The following SND1 variants were observed in gnomAD, a reference collection of about 807,000 sequenced individuals.
The protein encoded by SND1 is staphylococcal nuclease domain-containing protein 1.
A neutral mutation model predicts 121.7 loss-of-function variants in SND1; 38 were observed. That is an observed-to-expected ratio of 0.31 (90% CI 0.24 to 0.41). SND1 has a LOEUF of 0.41. Among genes scored for constraint, SND1 ranks in the 10% least tolerant of loss-of-function variants. The pLI is 1.00. For missense variants in SND1, 868 were observed against 1,184.6 expected (o/e 0.73, Z 3.92); for synonymous variants, 401 against 447.4 (o/e 0.90, Z 1.31).
At chr7:127,992,033 T>C (rs1563081271) in intron 16 of SND1, among the ~76,000 whole-genome samples, 1 of 152,168 alleles carries the variant, frequency 6.6e-6, no homozygotes, top group South Asian at 2.1e-4. Context: ...TGCCTTCTTA[T>C]TTTGTAGAAG....
intron 10 of SND1, among the ~76,000 whole-genome samples, chr7:127,803,767 C>T (rs1189088442): frequency 6.6e-6 from 1 of 152,112 alleles, no homozygotes; most frequent in Non-Finnish European, 1.5e-5. Flanking sequence ...TTTTGGCAAC[C>T]AGCCAAAAAT....
chr7:127,765,967 G>T (rs1423342862), intron 10 of SND1, among the ~76,000 whole-genome samples: 2 of 152,180 alleles, frequency 1.3e-5, no homozygotes, highest in Non-Finnish European at 2.9e-5. Context: ...GATGGCTGTT[G>T]TGGTCAGATC....
intron 14 of SND1, among the ~76,000 whole-genome samples, chr7:127,923,563 A>G (rs1800763560): frequency 6.6e-6 from 1 of 152,200 alleles, no homozygotes; most frequent in South Asian, 2.1e-4. Flanking sequence ...TCAAGAGATG[A>G]TCATGCTGTA....
chr7:128,063,209 G>A (rs1793259786), intron 16 of SND1, among the ~76,000 whole-genome samples: 1 of 152,172 alleles, frequency 6.6e-6, no homozygotes, highest in Non-Finnish European at 1.5e-5. Flanking sequence ...TGAGGAGGTG[G>A]TGGATGCGTG....
At chr7:127,704,126 A>C (rs992923238) in intron 7 of SND1, among the ~76,000 whole-genome samples, 22 of 152,274 alleles carry the variant, frequency 1.4e-4, no homozygotes, top group Non-Finnish European at 1.5e-4. Flanking sequence ...CTTATTGTGC[A>C]CTTTGATAGT....
chr7:127,960,001 G>A (rs927869038), intron 15 of SND1, among the ~76,000 whole-genome samples: 6 of 152,080 alleles, frequency 3.9e-5, no homozygotes, highest in Admixed American at 6.6e-5. Flanking sequence ...GTTGCCTCTC[G>A]TCTGCTATCT....
At chr7:127,952,750 A>G (rs1188118640) in intron 15 of SND1, among the ~76,000 whole-genome samples, 1 of 152,242 alleles carries the variant, frequency 6.6e-6, no homozygotes, top group African/African-American at 2.4e-5. Context: ...TTTGAGGCCC[A>G]TAATTAACGT....
At chr7:127,907,376 G>A (rs1800362139) in intron 14 of SND1, among the ~76,000 whole-genome samples, 2 of 152,312 alleles carry the variant, frequency 1.3e-5, no homozygotes, top group African/African-American at 4.8e-5. Flanking sequence ...GGTCAGATGG[G>A]CAGACGGCTT....
chr7:127,691,400 C>T (rs746833884), intron 2 of SND1, among the ~76,000 whole-genome samples: 3 of 151,444 alleles, frequency 2.0e-5, no homozygotes, highest in Non-Finnish European at 2.9e-5. Context: ...AAAAATTAAC[C>T]GGGCGTGGTG....
intron 16 of SND1, among the ~76,000 whole-genome samples, chr7:128,071,555 GCAGT>G (rs1793409535): frequency 6.6e-6 from 1 of 152,190 alleles, no homozygotes; most frequent in South Asian, 2.1e-4. Flanking sequence ...TAACTTCCTG[GCAGT>G]CAATGTAAAA....
chr7:128,080,645 G>T (rs556396803), intron 17 of SND1, among the ~76,000 whole-genome samples: 2 of 152,136 alleles, frequency 1.3e-5, no homozygotes, highest in Non-Finnish European at 2.9e-5. Context: ...AGAGAGGTGC[G>T]GGTGTGAGGA....
chr7:127,947,261 G>T (rs1208523586), intron 15 of SND1, among the ~76,000 whole-genome samples: 2 of 152,266 alleles, frequency 1.3e-5, no homozygotes. Flanking sequence ...AAGTAATGTA[G>T]TTTACAGCCC....
intron 11 of SND1, among the ~76,000 whole-genome samples, chr7:127,818,648 T>C (rs1798492222): frequency 6.6e-6 from 1 of 152,194 alleles, no homozygotes. Flanking sequence ...ATGATGGACC[T>C]TTTTGCCTGG....
intron 12 of SND1, among the ~76,000 whole-genome samples, chr7:127,861,517 T>C (rs1799378757): frequency 6.6e-6 from 1 of 152,136 alleles, no homozygotes; most frequent in Non-Finnish European, 1.5e-5. Context: ...CTCTGTTGCC[T>C]AGGCTGGAAT....
rs375628999 is a variant in SND1 at position 127,957,531 on chromosome 7, T to G, written c.1669+28202T>G. 7.9e-5 allele frequency among the ~76,000 whole-genome samples: 12 copies of G among 152,316 alleles called. No homozygotes were observed. In the East Asian group the frequency reaches 2.1e-3, roughly 27 times the overall value. ...GTTTCTTGGAAGGCTGTTGTTTCTA[T>G]TCCACTTGTTATGTACCTTTTAAAT... On this transcript the variant is annotated intron_variant, in intron 15 of 23. Transcript: ENST00000354725.
intron 10 of SND1, among the ~76,000 whole-genome samples, chr7:127,740,054 G>C (rs1419527993): frequency 6.6e-6 from 1 of 152,188 alleles, no homozygotes; most frequent in African/African-American, 2.4e-5. Flanking sequence ...ATTCGCCCTT[G>C]CTAAGTCTGT....
intron 21 of SND1, 58 bp downstream of exon 21, chr7:128,087,109 C>A: frequency 1.5e-6 from 2 of 1,311,192 alleles, no homozygotes; most frequent in Non-Finnish European, 2.2e-6. Flanking sequence ...TTAGCCGCTG[C>A]AGCAGCCCTC....
chr7:127,914,610 A>C (rs994746951), intron 14 of SND1, among the ~76,000 whole-genome samples: 3 of 152,154 alleles, frequency 2.0e-5, no homozygotes, highest in African/African-American at 4.8e-5. Flanking sequence ...CAGTTTGCCA[A>C]GTGATGGGCT....
chr7:127,782,523 G>T (rs1476713960), intron 10 of SND1, among the ~76,000 whole-genome samples: 1 of 152,176 alleles, frequency 6.6e-6, no homozygotes, highest in African/African-American at 2.4e-5. Flanking sequence ...TCCTTTGGGG[G>T]GCAGAGATGT....
Sources: allele counts gnomAD v4.1 joint callset (sites outside exome capture counted in the v4.1 genomes callset), GRCh38; gene constraint gnomAD v4.1.1; transcripts MANE v1.5; gene names NCBI Gene and HGNC (gene_info 2026-07-23, HGNC 2026-07-21).